Variants in STAU1 observed in about 807,000 individuals in gnomAD.
STAU1 encodes the protein double-stranded RNA-binding protein Staufen homolog 1.
Under a neutral mutation model 62.9 loss-of-function variants are expected in STAU1, and 13 were observed. That is an observed-to-expected ratio of 0.21 (90% CI 0.13 to 0.33). The LOEUF is 0.33. STAU1 is among the 10% of genes least tolerant of loss of function. The probability of loss-of-function intolerance (pLI) is 1.00; values close to 1 mark genes in which losing one functional copy is unlikely to be tolerated. For synonymous variants in STAU1, 269 were observed against 265.1 expected (o/e 1.01, Z -0.14); for missense variants, 571 against 712.1 (o/e 0.80, Z 2.25).
chr20:49,150,201 A>C (rs1222869405), intron 5 of STAU1, among the ~76,000 whole-genome samples: 1 of 152,204 alleles, frequency 6.6e-6, no homozygotes, highest in East Asian at 1.9e-4. Context: ...AGTCACAAAA[A>C]TGTTAAAATC....
chr20:49,147,153 C>T (rs949856373), intron 5 of STAU1, among the ~76,000 whole-genome samples: 2 of 152,210 alleles, frequency 1.3e-5, no homozygotes, highest in Non-Finnish European at 2.9e-5. Context: ...CTGAACTCAC[C>T]ACCATTATTC....
At position 49,174,268 on chromosome 20, in the gene STAU1, C is replaced by T. The variant is rs1344113626; in HGVS notation, c.-158G>A. 1 of 152,132 alleles carries T rather than the reference C, an allele frequency of 6.6e-6. No individual in the cohort carries two copies. Among genetic ancestry groups the T allele is most frequent in the African/African-American group, 2.4e-5 (1 of 41,428 alleles). 9.4% of individuals were successfully genotyped at this position (152,132 alleles called of 1,614,324 possible). On this transcript the variant is annotated splice_region_variant and 5_prime_UTR_variant, in exon 2 of 14. Transcript: ENST00000371856. ...TCTGAGAGGTTAAGTGGTTAATAAA[C>T]TCTGGAAAATAAAAAATAATAATAA...
chr20:49,198,075 G>A, the STAU1 span, among the ~76,000 whole-genome samples: 3 of 152,218 alleles, frequency 2.0e-5, no homozygotes, highest in Middle Eastern at 6.8e-3. Context: ...CAAAAGATCT[G>A]TACAGACATT....
At chr20:49,142,363 C>T (rs2093028625) in intron 5 of STAU1, among the ~76,000 whole-genome samples, 1 of 152,144 alleles carries the variant, frequency 6.6e-6, no homozygotes, top group Non-Finnish European at 1.5e-5. Context: ...GCTGGAATTA[C>T]AGGCGTGAGC....
the STAU1 span, among the ~76,000 whole-genome samples, chr20:49,195,918 G>GAAAAAAAAAAAA: frequency 1.3e-5 from 1 of 74,426 alleles, no homozygotes; most frequent in Non-Finnish European, 2.8e-5. Flanking sequence ...AAAAAAAAAA[G>GAAAAAAAAAAAA]AAAAAAGAAA....
chr20:49,114,924 G>A lies in STAU1; in HGVS notation c.1719-31C>T, dbSNP rs758761467. 4.4e-6 allele frequency: 7 copies of A among 1,608,158 alleles called. No individual in the cohort carries two copies. In the East Asian group the frequency reaches 1.6e-4, roughly 36 times the overall value. On this transcript the variant is annotated intron_variant, in intron 13 of 13. Coordinates refer to ENST00000371856, the MANE Select transcript of STAU1 (RefSeq NM_017453.4). ...AGGAAGAAAAATGAAAATGACACTAGTTTTGAAATGTAAGAGAATTAAAGT... is the reference window on the plus strand; with the variant it reads ...AGGAAGAAAAATGAAAATGACACTAATTTTGAAATGTAAGAGAATTAAAGT...
At chr20:49,206,751 AT>A in the STAU1 span, among the ~76,000 whole-genome samples, 4 of 95,030 alleles carry the variant, frequency 4.2e-5, no homozygotes, top group Admixed American at 1.1e-4. Context: ...ATATATATAT[AT>A]TTTATTTTAT....
the STAU1 span, among the ~76,000 whole-genome samples, chr20:49,215,987 G>T: frequency 1.1e-5 from 1 of 90,518 alleles, no homozygotes; most frequent in Non-Finnish European, 2.0e-5. Flanking sequence ...CAGCCTGGGT[G>T]ATATAGCAAG....
intron 2 of STAU1, among the ~76,000 whole-genome samples, chr20:49,168,130 G>C (rs375250554): frequency 6.6e-6 from 1 of 151,180 alleles, no homozygotes; most frequent in Non-Finnish European, 1.5e-5. Context: ...GCCCAGGCTG[G>C]AGTGCAGTGT....
intron 1 of STAU1, among the ~76,000 whole-genome samples, chr20:49,187,702 C>G (rs1214849756): frequency 2.0e-5 from 3 of 151,542 alleles, no homozygotes; most frequent in African/African-American, 7.3e-5. Context: ...GGGCCGTGCT[C>G]TTAACCACTA....
intron 7 of STAU1, among the ~76,000 whole-genome samples, chr20:49,123,589 C>T (rs1475604164): frequency 6.6e-6 from 1 of 152,018 alleles, no homozygotes; most frequent in Admixed American, 6.6e-5. Context: ...TGATGGGTTC[C>T]CAATTTTCTT....
intron 12 of STAU1, among the ~76,000 whole-genome samples, 186 bp from the exon 13 acceptor site, chr20:49,116,053 C>A (rs2092315837): frequency 6.6e-6 from 1 of 152,182 alleles, no homozygotes; most frequent in Non-Finnish European, 1.5e-5. Flanking sequence ...TATTCAGTTA[C>A]CTCACTGAAT....
rs549485370 is a variant in STAU1 at position 49,114,245 on chromosome 20, A to G, written c.*633T>C. 1 of 152,810 alleles carries G rather than the reference A, an allele frequency of 6.5e-6. No homozygotes were observed. The highest frequency in any genetic ancestry group is 6.5e-5 in the Admixed American group (1 of 15,302). The allele number at this position is 152,810 out of a possible 1,614,324, so 9.5% of individuals were successfully genotyped here. On this transcript the variant is annotated 3_prime_UTR_variant, in exon 14 of 14. Transcript: ENST00000371856. The stretch of plus-strand genomic sequence containing the variant: ...ACTAGATACAATTGAGAAATTCTCA[A>G]ATGAAAATTTTATATAGTGTCATAT...
At chr20:49,169,847 T>A (rs139786410) in intron 2 of STAU1, among the ~76,000 whole-genome samples, 2 of 152,206 alleles carry the variant, frequency 1.3e-5, no homozygotes. Flanking sequence ...TAATTTTACA[T>A]AGCATACATA....
the STAU1 span, among the ~76,000 whole-genome samples, chr20:49,216,981 A>C: frequency 2.0e-5 from 3 of 152,194 alleles, no homozygotes; most frequent in Non-Finnish European, 4.4e-5. Flanking sequence ...ATAAGATTGC[A>C]ACCCACGGGG....
At chr20:49,180,189 G>A (rs757344140) in intron 1 of STAU1, among the ~76,000 whole-genome samples, 3 of 152,172 alleles carry the variant, frequency 2.0e-5, no homozygotes, top group African/African-American at 7.2e-5. Context: ...GGGCTAGGAA[G>A]CAAAGAGGAC....
Position 49,144,288 on chromosome 20 carries a change from CTT to C in STAU1, c.510+7292_510+7293del, listed in dbSNP as rs3092773. Among the ~76,000 whole-genome samples, 655 of 150,372 alleles carry C rather than the reference CTT, an allele frequency of 4.4e-3. 1 individual carries two copies. The highest frequency in any genetic ancestry group is 0.022 in the East Asian group (112 of 5,138). ...AGATAAAAGAATGTTGTCACACGTA[CTT>C]TTTTTTTTTTAAATGCAAACAGGAT... On this transcript the variant is annotated intron_variant, in intron 5 of 13. Transcript: ENST00000371856.
chr20:49,128,647 G>A (rs937011624), intron 6 of STAU1, among the ~76,000 whole-genome samples: 1 of 151,830 alleles, frequency 6.6e-6, no homozygotes, highest in Non-Finnish European at 1.5e-5. Flanking sequence ...ATAAAGGACT[G>A]TCTCAGCCAG....
chr20:49,180,007 C>G (rs2093703991), intron 1 of STAU1, among the ~76,000 whole-genome samples: 1 of 152,182 alleles, frequency 6.6e-6, no homozygotes, highest in Non-Finnish European at 1.5e-5. Context: ...TCCAGCCTTT[C>G]AAGACTAACC....
Sources: allele counts gnomAD v4.1 joint callset (sites outside exome capture counted in the v4.1 genomes callset), GRCh38; gene constraint gnomAD v4.1.1; transcripts MANE v1.5; gene names NCBI Gene and HGNC (gene_info 2026-07-23, HGNC 2026-07-21).